Variants in PLA2G5 observed in about 807,000 individuals in gnomAD.
PLA2G5 encodes the protein Ca2+-dependent phospholipase A2.
Under a neutral mutation model 15.9 loss-of-function variants are expected in PLA2G5, and 12 were observed. That is an observed-to-expected ratio of 0.76 (90% CI 0.48 to 1.23). The LOEUF (loss-of-function observed/expected upper bound fraction) is 1.23. Ranked by LOEUF, PLA2G5 falls within the 50% of genes most tolerant of loss-of-function variation. PLA2G5 has a pLI of 0.00. For missense variants in PLA2G5, 169 were observed against 177.1 expected, an observed-to-expected ratio of 0.95 and a Z score of 0.26; for synonymous variants, 71 against 71.4, an observed-to-expected ratio of 0.99 and a Z score of 0.03.
intron 1 of PLA2G5, among the ~76,000 whole-genome samples, chr1:20,042,912 C>A: frequency 6.6e-6 from 1 of 151,928 alleles, no homozygotes; most frequent in East Asian, 1.9e-4. Flanking sequence ...AGGAGGGTGT[C>A]CTGTTGGGAA....
intron 1 of PLA2G5, among the ~76,000 whole-genome samples, chr1:20,052,752 C>T (rs2014238587): frequency 6.6e-6 from 1 of 152,096 alleles, no homozygotes; most frequent in African/African-American, 2.4e-5. Context: ...CTTGTGGCCC[C>T]CAAATCACTA....
At chr1:20,085,655 T>C (rs902408152) in intron 2 of PLA2G5, among the ~76,000 whole-genome samples, 2 of 152,228 alleles carry the variant, frequency 1.3e-5, no homozygotes, top group African/African-American at 4.8e-5. Flanking sequence ...ATCTGCCTGC[T>C]TCATGCAAAT....
chr1:20,042,309 G>C (rs576912687), intron 1 of PLA2G5, among the ~76,000 whole-genome samples: 47 of 152,286 alleles, frequency 3.1e-4, no homozygotes, highest in African/African-American at 1.1e-3. Flanking sequence ...TCAGGGTGAG[G>C]AACAGGAAAG....
chr1:20,043,937 C>T (rs889441016), intron 1 of PLA2G5, among the ~76,000 whole-genome samples: 3 of 152,140 alleles, frequency 2.0e-5, no homozygotes, highest in African/African-American at 7.2e-5. Context: ...GGTGATTGGG[C>T]AGTGTAAGTC....
chr1:20,079,467 C>G (rs1035098826), intron 1 of PLA2G5, among the ~76,000 whole-genome samples: 1 of 152,124 alleles, frequency 6.6e-6, no homozygotes, highest in Non-Finnish European at 1.5e-5. Context: ...CATATACTTC[C>G]CCAACTGACA....
chr1:20,075,763 T>G (rs2100561605), intron 1 of PLA2G5, among the ~76,000 whole-genome samples: 2 of 152,308 alleles, frequency 1.3e-5, no homozygotes, highest in South Asian at 4.1e-4. Flanking sequence ...GGGCAGCTAC[T>G]TCTTGGCAAT....
At position 20,090,663 on chromosome 1, in the gene PLA2G5, C is replaced by G. The variant is rs371868538; in HGVS notation, c.388C>G (p.Gln130Glu). Reference sequence around the variant, plus strand: ...CCTACGGAGCTACAACCCACAGTACCAATACTTTCCCAACATCCTCTGCTC... The same window carrying G: ...CCTACGGAGCTACAACCCACAGTACGAATACTTTCCCAACATCCTCTGCTC... ...RNLRSYNPQY[Q>E]YFPNILCS is the part of the protein sequence containing the mutation. The change falls in exon 5 of 5, where the codon CAA becomes GAA. Residue 130 changes from glutamine (Q) to glutamate (E), a missense_variant. Coordinates refer to ENST00000375108, the MANE Select transcript of PLA2G5 (RefSeq NM_000929.3). 2.5e-6 allele frequency: 4 copies of G among 1,613,930 alleles called. No homozygotes were observed. Among genetic ancestry groups the G allele is most frequent in the Non-Finnish European group, 3.4e-6 (4 of 1,179,928 alleles).
chr1:20,069,026 C>A, upstream of PLA2G5: 2 of 939,344 alleles, frequency 2.1e-6, no homozygotes, highest in Non-Finnish European at 3.0e-6. Context: ...ATCCAAATGG[C>A]CATAAGGTGT....
chr1:20,074,981 A>G (rs896863311), intron 1 of PLA2G5, among the ~76,000 whole-genome samples: 21 of 152,206 alleles, frequency 1.4e-4, no homozygotes, highest in African/African-American at 5.1e-4. Context: ...GCCCAGGGCC[A>G]GGCACATCCC....
chr1:20,057,385 T>C (rs1412952905), intron 1 of PLA2G5, among the ~76,000 whole-genome samples: 1 of 152,068 alleles, frequency 6.6e-6, no homozygotes, highest in Non-Finnish European at 1.5e-5. Flanking sequence ...TGTCACTGCA[T>C]CCCATAAATT....
Position 20,091,639 on chromosome 1 carries a change from A to T in PLA2G5, c.*947A>T, listed in dbSNP as rs1447275883. Among the ~76,000 whole-genome samples, 1 of 152,122 alleles carries T rather than the reference A, an allele frequency of 6.6e-6. No homozygotes were observed. Among genetic ancestry groups the T allele is most frequent in the Non-Finnish European group, 1.5e-5 (1 of 68,026 alleles). On this transcript the variant is annotated 3_prime_UTR_variant, in exon 5 of 5. Transcript: ENST00000375108. The stretch of plus-strand genomic sequence containing the variant: ...CACACAGCAGGAATTTTTTTTTAAT[A>T]GGTGTCAGCTGTGGGGTTTATTTTT...
At chr1:20,060,266 T>C (rs1569721599) in intron 2 of PLA2G5, among the ~76,000 whole-genome samples, 2 of 141,030 alleles carry the variant, frequency 1.4e-5, no homozygotes, top group East Asian at 4.1e-4. Flanking sequence ...TTTTTTTTTT[T>C]TTTTTGAGAC....
upstream of PLA2G5, chr1:20,068,906 C>G (rs1295754419): frequency 7.8e-7 from 1 of 1,285,674 alleles, no homozygotes; most frequent in Admixed American, 2.3e-5. Context: ...AACACACTCC[C>G]CCCTACGTCC....
intron 1 of PLA2G5, among the ~76,000 whole-genome samples, chr1:20,072,602 C>T (rs931493196): frequency 1.3e-5 from 2 of 152,132 alleles, no homozygotes; most frequent in Non-Finnish European, 2.9e-5. Context: ...TAAGGCAAGG[C>T]TGGCGTAGGT....
chr1:20,091,549 T>A lies in PLA2G5; in HGVS notation c.*857T>A, dbSNP rs897698191. Among the ~76,000 whole-genome samples, 1 of 152,194 alleles carries A rather than the reference T, an allele frequency of 6.6e-6. No individual in the cohort carries two copies. The highest frequency in any genetic ancestry group is 6.5e-5 in the Admixed American group (1 of 15,276). Reference sequence around the variant, plus strand: ...AAATAAACTGTCTTGTTCCTTGCAATGTAAAATGAGACTTCTAAAGCCCAC... The same window carrying A: ...AAATAAACTGTCTTGTTCCTTGCAAAGTAAAATGAGACTTCTAAAGCCCAC... On this transcript the variant is annotated 3_prime_UTR_variant, in exon 5 of 5. Transcript: ENST00000375108.
At chr1:20,064,993 G>T (rs1400910672) in intron 2 of PLA2G5, among the ~76,000 whole-genome samples, 3 of 152,112 alleles carry the variant, frequency 2.0e-5, no homozygotes, top group African/African-American at 7.2e-5. Flanking sequence ...ACCAAAACAT[G>T]TCAAACACAA....
At chr1:20,048,052 T>G (rs1189098534) in intron 1 of PLA2G5, among the ~76,000 whole-genome samples, 1 of 152,156 alleles carries the variant, frequency 6.6e-6, no homozygotes, top group Non-Finnish European at 1.5e-5. Context: ...TAAGATGTAC[T>G]TCTATTGGCA....
At chr1:20,089,534 G>A (rs1421265733) in intron 3 of PLA2G5, among the ~76,000 whole-genome samples, 1 of 152,140 alleles carries the variant, frequency 6.6e-6, no homozygotes, top group Non-Finnish European at 1.5e-5. Flanking sequence ...CAAATCATGT[G>A]GCCACACCTA....
At chr1:20,029,026 G>A (rs2012731974) in intron 1 of PLA2G5, among the ~76,000 whole-genome samples, 2 of 152,186 alleles carry the variant, frequency 1.3e-5, no homozygotes, top group Non-Finnish European at 2.9e-5. Flanking sequence ...GGCATTTATA[G>A]GCGACTTGTG....
Sources: gnomAD v4.1 joint callset for allele counts (sites outside exome capture counted in the v4.1 genomes callset) on GRCh38, gnomAD v4.1.1 for gene constraint, MANE v1.5 for transcripts, NCBI Gene and HGNC (gene_info 2026-07-23, HGNC 2026-07-21) for gene names.